Variants in ZNF765 observed in about 807,000 individuals in gnomAD.
ZNF765 encodes zinc finger protein 765.
Under a neutral mutation model 44.7 loss-of-function variants are expected in ZNF765, and 37 were observed. The ratio of observed to expected loss-of-function variants is 0.83; its 90% confidence interval spans 0.64 to 1.09. The LOEUF (loss-of-function observed/expected upper bound fraction) is 1.09. Ranked by LOEUF, ZNF765 falls within the 50% of genes least tolerant of loss-of-function variation. The pLI, the probability that ZNF765 is intolerant of heterozygous loss-of-function variation, is 0.00. For synonymous variants in ZNF765, 201 were observed against 213.7 expected, an observed-to-expected ratio of 0.94 and a Z score of 0.52; for missense variants, 594 against 626.1, an observed-to-expected ratio of 0.95 and a Z score of 0.55.
At chr19:53,397,615 A>G (rs563361678) in intron 1 of ZNF765, among the ~76,000 whole-genome samples, 13 of 152,056 alleles carry the variant, frequency 8.5e-5, no homozygotes, top group East Asian at 3.9e-4. Flanking sequence ...ACCTGAGCTC[A>G]AGAGATCTAC....
intron 3 of ZNF765, among the ~76,000 whole-genome samples, chr19:53,419,654 C>T (rs577740269): frequency 6.6e-6 from 1 of 152,282 alleles, no homozygotes; most frequent in East Asian, 1.9e-4. Context: ...TTGAATCTTT[C>T]TACAATGTAT....
In ZNF765 at chr19:53,400,195, C is replaced by T. The variant is rs191018134; in HGVS notation, c.16-1870C>T. On this transcript the variant is annotated intron_variant, in intron 2 of 3. Transcript: ENST00000396408. ...GCCAGTGTCTGTTGTTTTCTTTGTG[C>T]TCCAGTAAATATTTTACTTCGATAT... Among the ~76,000 whole-genome samples the T allele has an allele frequency of 1.0e-3, 153 of 152,228 alleles. 2 individuals are homozygous for T. The highest frequency in any genetic ancestry group is 6.8e-3 in the Middle Eastern group (2 of 294).
chr19:53,417,114 G>A (rs1254024324), intron 3 of ZNF765, among the ~76,000 whole-genome samples: 3 of 152,112 alleles, frequency 2.0e-5, no homozygotes, highest in Non-Finnish European at 4.4e-5. Context: ...CACTATGCCC[G>A]ACCAGGTTTC....
At chr19:53,421,196 C>T (rs772666069) in intron 3 of ZNF765, among the ~76,000 whole-genome samples, 3 of 152,166 alleles carry the variant, frequency 2.0e-5, no homozygotes, top group Non-Finnish European at 4.4e-5. Flanking sequence ...TTTCCTTAAA[C>T]TTACTTATGA....
intron 3 of ZNF765, among the ~76,000 whole-genome samples, chr19:53,419,219 TTACAC>T (rs1436334251): frequency 6.6e-6 from 1 of 152,160 alleles, no homozygotes; most frequent in Non-Finnish European, 1.5e-5. Context: ...TCAGCCTACT[TTACAC>T]AAATCATAGA....
At chr19:53,415,222 A>G (rs2085867745), downstream of ZNF765, among the ~76,000 whole-genome samples, 1 of 151,970 alleles carries the variant, frequency 6.6e-6, no homozygotes, top group African/African-American at 2.4e-5. Flanking sequence ...GTAAGCGGAA[A>G]TCACGCCATT....
exon 4 of ZNF765, chr19:53,424,486 T>C (rs2085926995): frequency 6.6e-6 from 1 of 151,784 alleles, no homozygotes; most frequent in African/African-American, 2.4e-5. Context: ...AAAAAAAATC[T>C]AAAACATTTT....
At chr19:53,419,517 T>C (rs2085894960) in intron 3 of ZNF765, among the ~76,000 whole-genome samples, 2 of 152,258 alleles carry the variant, frequency 1.3e-5, no homozygotes, top group Non-Finnish European at 2.9e-5. Context: ...TAATAATCAG[T>C]TTTAGATAGC....
At chr19:53,420,732 C>A (rs112659143) in intron 3 of ZNF765, among the ~76,000 whole-genome samples, 41,822 of 152,020 alleles carry the variant, frequency 0.28, 7,198 homozygotes, top group South Asian at 0.38. Context: ...GCTGTGCAGG[C>A]TGTGCTTTGT....
At chr19:53,405,133 C>T (rs981888048) in intron 3 of ZNF765, among the ~76,000 whole-genome samples, 1 of 152,148 alleles carries the variant, frequency 6.6e-6, no homozygotes, top group African/African-American at 2.4e-5. Flanking sequence ...GGGCAGATCA[C>T]CTGAGGTCAG....
rs762402909 is a variant in ZNF765, at chr19:53,402,112, G to A, written c.63G>A (p.Glu21=). ...TGGCCATAGAATTCTCTCAGGAGGAGTGGAAATGCCTGGACCCTGCTCAGA... is the reference window on the plus strand; with the variant it reads ...TGGCCATAGAATTCTCTCAGGAGGAATGGAAATGCCTGGACCCTGCTCAGA... ...RDVAIEFSQE[E]WKCLDPAQRT... The change falls in exon 3 of 4, where the codon GAG becomes GAA. Residue 21 remains glutamate (E), a synonymous_variant. Transcript: ENST00000396408. The A allele has an allele frequency of 5.1e-5, 83 of 1,613,958 alleles. No individual in the cohort carries two copies. Among genetic ancestry groups the A allele is most frequent in the Non-Finnish European group, 6.8e-5 (80 of 1,179,994 alleles).
chr19:53,399,364 C>T (rs1352065789), intron 2 of ZNF765, among the ~76,000 whole-genome samples: 3 of 151,918 alleles, frequency 2.0e-5, no homozygotes, highest in Admixed American at 2.0e-4. Flanking sequence ...AGGCATCTCC[C>T]TTCCCTGTTA....
chr19:53,424,183 C>G (rs996973666), exon 4 of ZNF765: 2 of 151,728 alleles, frequency 1.3e-5, no homozygotes, highest in African/African-American at 2.4e-5. Context: ...GGCGCGGTGG[C>G]TCACGCCTGT....
rs1185418381 is a variant in ZNF765 at position 53,401,878 on chromosome 19, A to G, written c.16-187A>G. On this transcript the variant is annotated intron_variant, in intron 2 of 3. Coordinates refer to ENST00000396408, the MANE Select transcript of ZNF765 (RefSeq NM_001040185.3). ...GCAACAGAGTGAGACTCCACCTTTA[A>G]AAAAAAAAAAAAGAACTTTAGTAAA... is the stretch of plus-strand genomic sequence containing the variant. The G allele has an allele frequency of 6.8e-5, 12 of 176,866 alleles. No homozygotes were observed. In the Admixed American group the frequency reaches 3.6e-3, roughly 52 times the overall value. The allele number at this position is 176,866 out of a possible 1,614,324, so 11.0% of individuals were successfully genotyped here.
downstream of ZNF765, among the ~76,000 whole-genome samples, chr19:53,414,258 A>AAAAAAAC (rs2085856240): frequency 7.1e-6 from 1 of 140,972 alleles, no homozygotes. Context: ...AAAAAAAGAA[A>AAAAAAAC]CTTGCAGCAA....
chr19:53,402,090 C>T lies in ZNF765; in HGVS notation c.41C>T (p.Ala14Val), dbSNP rs749597167. The T allele has an allele frequency of 6.2e-7, 1 of 1,613,914 alleles. No homozygotes were observed. Among genetic ancestry groups the T allele is most frequent in the South Asian group, 1.1e-5 (1 of 91,070 alleles). Residue 14 changes from alanine to valine, a missense_variant, in exon 3 of 4, where the codon GCC (alanine) becomes GTC (valine). Ala to Val is a moderately conservative substitution (Grantham distance 64, BLOSUM62 0). Coordinates refer to ENST00000396408, the MANE Select transcript of ZNF765 (RefSeq NM_001040185.3). ...GGTCTATTGACATTCAGGGATGTGG[C>T]CATAGAATTCTCTCAGGAGGAGTGG... ...PQGLLTFRDV[A>V]IEFSQEEWKC...
At chr19:53,402,020 G>C in intron 2 of ZNF765, 45 bp from the exon 3 acceptor site, 1 of 1,613,824 alleles carries the variant, frequency 6.2e-7, no homozygotes, top group African/African-American at 1.3e-5. Flanking sequence ...GTAAAGATAA[G>C]AACTCCTCCC....
downstream of ZNF765, among the ~76,000 whole-genome samples, chr19:53,416,756 C>T (rs62117304): frequency 0.49 from 73,641 of 150,510 alleles, 18,156 homozygotes; most frequent in East Asian, 0.56. Context: ...GTAAACTCTA[C>T]GTTTCTATGA....
chr19:53,398,910 C>T (rs2708849), intron 2 of ZNF765, among the ~76,000 whole-genome samples: 11,029 of 151,824 alleles, frequency 0.073, 804 homozygotes, highest in East Asian at 0.18. Context: ...CCACCACGCC[C>T]AGCTAATTTT....
Sources: allele counts gnomAD v4.1 joint callset (sites outside exome capture counted in the v4.1 genomes callset), GRCh38; gene constraint gnomAD v4.1.1; transcripts MANE v1.5; gene names NCBI Gene and HGNC (gene_info 2026-07-23, HGNC 2026-07-21).